The following LRRC9 variants were observed in gnomAD, a reference collection of about 807,000 sequenced individuals.
LRRC9 encodes leucine-rich repeat-containing protein 9.
A neutral mutation model predicts 63.2 loss-of-function variants in LRRC9; 122 were observed. The ratio of observed to expected loss-of-function variants is 1.93; its 90% CI spans 1.67 to 2.24. The LOEUF is 2.24. Among genes scored for constraint, LRRC9 ranks in the 30% most tolerant of loss-of-function variants. The pLI is 0.00. For synonymous variants in LRRC9, 366 were observed against 213.1 expected, an observed-to-expected ratio of 1.72 and a Z score of -6.25; for missense variants, 1,071 against 627.7, an observed-to-expected ratio of 1.71 and a Z score of -7.55.
At chr14:59,991,840 A>T (rs968499967) in intron 17 of LRRC9, among the ~76,000 whole-genome samples, 1 of 149,556 alleles carries the variant, frequency 6.7e-6, no homozygotes, top group African/African-American at 2.5e-5. Flanking sequence ...GGAGCCCACC[A>T]CAGCTCAAGG....
chr14:60,031,900 C>A lies in LRRC9; in HGVS notation c.3922-95C>A. 2 of 633,404 alleles carry A rather than the reference C, an allele frequency of 3.2e-6. No individual in the cohort carries two copies. The allele number at this position is 633,404 out of a possible 1,614,324, so 39.2% of individuals were successfully genotyped here. A position where few individuals can be genotyped will look rare whatever the true frequency, so the allele number is the denominator to read the frequency against. On this transcript the variant is annotated intron_variant, in intron 28 of 31. Coordinates refer to ENST00000445360, the Ensembl canonical transcript of LRRC9. This position sits in a 1 kb window ranked among gnomAD's most constrained non-coding sequence, Gnocchi z 4.6. ...AGAGAATTCAATCATGAGCTAGCTGCAAACTAACACTTACATATAATTACT... is the reference window on the plus strand; with the variant it reads ...AGAGAATTCAATCATGAGCTAGCTGAAAACTAACACTTACATATAATTACT...
At chr14:59,997,916 C>G (rs1028070067) in intron 18 of LRRC9, 69 bp downstream of exon 18, 3 of 601,584 alleles carry the variant, frequency 5.0e-6, no homozygotes, top group African/African-American at 3.7e-5. Context: ...ACTAACTTTA[C>G]TATTTAGTAA....
intron 13 of LRRC9, among the ~76,000 whole-genome samples, chr14:59,975,141 ATATATATATGTAT>A (rs1886096902): frequency 8.7e-5 from 1 of 11,444 alleles, no homozygotes; most frequent in Admixed American, 1.5e-3. Flanking sequence ...ATATATATAC[ATATATATATGTAT>A]ATATATATAT....
chr14:59,935,517 T>C (rs1288543906), intron 6 of LRRC9, among the ~76,000 whole-genome samples: 2 of 152,186 alleles, frequency 1.3e-5, no homozygotes, highest in Non-Finnish European at 2.9e-5. Context: ...TCAATTCCTC[T>C]TTTAGGAATC....
At chr14:60,023,570 A>G (rs1244561708) in intron 27 of LRRC9, among the ~76,000 whole-genome samples, 2 of 152,030 alleles carry the variant, frequency 1.3e-5, no homozygotes, top group African/African-American at 4.8e-5. Context: ...AACATGATTA[A>G]TTTGATAAAT....
At chr14:59,939,113 A>G (rs1056465051) in intron 7 of LRRC9, among the ~76,000 whole-genome samples, 2 of 123,674 alleles carry the variant, frequency 1.6e-5, no homozygotes, top group Non-Finnish European at 3.4e-5. Context: ...ACACATATAT[A>G]TACATATATA....
rs563263789 is a variant in LRRC9 at position 60,009,752 on chromosome 14, A to G, written c.3186+1538A>G. Among the ~76,000 whole-genome samples the G allele has an allele frequency of 5.7e-4, 87 of 152,328 alleles. 3 individuals carry two copies. In the Middle Eastern group the frequency reaches 0.02, roughly 36 times the overall value. ...CTGTAAAATCAAAAGCAAGTTAGTT[A>G]CTTCCTAGAGACAATGGGGGTACAG... On this transcript the variant is annotated intron_variant, in intron 23 of 31. Transcript: ENST00000445360.
intron 27 of LRRC9, 98 bp downstream of exon 27, chr14:60,022,968 TCAAA>T (rs1891230792): frequency 7.1e-6 from 3 of 419,620 alleles, no homozygotes; most frequent in African/African-American, 4.1e-5. Context: ...CAGTATTTAC[TCAAA>T]CATTCATAGA....
chr14:60,058,604 T>A lies in LRRC9; in HGVS notation c.4276+582T>A, dbSNP rs1213562133. On this transcript the variant is annotated intron_variant, in intron 31 of 31. Transcript: ENST00000445360. The surrounding 1 kb of genome is among the most constrained non-coding windows in gnomAD (Gnocchi z 4.4). Reference sequence around the variant, plus strand: ...TGCTATATAAATTTTAGTTCAAGTTTAGAATAAGCCTGTTCCCTAATTCCA... The same window carrying A: ...TGCTATATAAATTTTAGTTCAAGTTAAGAATAAGCCTGTTCCCTAATTCCA... Among the ~76,000 whole-genome samples, 2 of 152,182 alleles carry A rather than the reference T, an allele frequency of 1.3e-5. No individual in the cohort carries two copies. Among genetic ancestry groups the A allele is most frequent in the Non-Finnish European group, 2.9e-5 (2 of 68,010 alleles).
chr14:60,035,308 A>C (rs984019941), intron 29 of LRRC9, among the ~76,000 whole-genome samples: 8 of 152,018 alleles, frequency 5.3e-5, no homozygotes, highest in Admixed American at 3.9e-4. Flanking sequence ...TTGTAGCTTT[A>C]CTTTGTTGAT....
rs1250351798 is a variant in LRRC9, at chr14:60,053,247, T to G, written c.4131+42T>G. 5.9e-6 allele frequency: 4 copies of G among 676,604 alleles called. No homozygotes were observed. The highest frequency in any genetic ancestry group is 1.8e-5 in the African/African-American group (1 of 56,024). The allele number at this position is 676,604 out of a possible 1,614,324, so 41.9% of individuals were successfully genotyped here. ...TTACAATTTTCCTTTTGAAGCACAT[T>G]AATGGTTAGTAAATGAACATTATAT... On this transcript the variant is annotated intron_variant, in intron 30 of 31. Coordinates refer to ENST00000445360, the Ensembl canonical transcript of LRRC9. This position sits in a 1 kb window ranked among gnomAD's most constrained non-coding sequence, Gnocchi z 4.8.
intron 29 of LRRC9, among the ~76,000 whole-genome samples, chr14:60,039,078 G>C (rs769694193): frequency 6.6e-6 from 1 of 152,150 alleles, no homozygotes; most frequent in East Asian, 1.9e-4. Context: ...ATTGATTTAC[G>C]AATGTTGAAC....
rs1202170793 is a variant in LRRC9 at position 60,053,427 on chromosome 14, ATG to A, written c.4131+224_4131+225del. ...CACACACACACACACACACATATAT[ATG>A]TAAGTCAGGGAACATCCTTTTCTTA... On this transcript the variant is annotated intron_variant, in intron 30 of 31. Transcript: ENST00000445360. This position sits in a 1 kb window ranked among gnomAD's most constrained non-coding sequence, Gnocchi z 4.8. Among the ~76,000 whole-genome samples, 9 of 150,202 alleles carry A rather than the reference ATG, an allele frequency of 6.0e-5. No individual in the cohort carries two copies. The highest frequency in any genetic ancestry group is 2.0e-4 in the African/African-American group (8 of 40,922).
At chr14:59,954,217 A>G (rs1358637960) in intron 8 of LRRC9, among the ~76,000 whole-genome samples, 1 of 152,190 alleles carries the variant, frequency 6.6e-6, no homozygotes, top group Admixed American at 6.5e-5. Context: ...TGGTAGCTTG[A>G]TGGGAATAGC....
chr14:60,033,137 G>A (rs193076010), intron 29 of LRRC9, among the ~76,000 whole-genome samples: 1 of 151,978 alleles, frequency 6.6e-6, no homozygotes, highest in Non-Finnish European at 1.5e-5. Context: ...ATTGTTTGTT[G>A]CTGGAGTGTA....
chr14:60,056,001 C>T (rs1016404567), intron 30 of LRRC9, among the ~76,000 whole-genome samples: 8 of 152,272 alleles, frequency 5.3e-5, no homozygotes, highest in African/African-American at 1.2e-4. Flanking sequence ...AGAGGCCATC[C>T]GCATTCTTTG....
chr14:59,983,519 A>G (rs1225798036), intron 16 of LRRC9, among the ~76,000 whole-genome samples: 3 of 152,180 alleles, frequency 2.0e-5, no homozygotes, highest in Non-Finnish European at 2.9e-5. Flanking sequence ...GAAAGAGGTG[A>G]GCTTTGAGTG....
intron 29 of LRRC9, among the ~76,000 whole-genome samples, chr14:60,039,751 G>T (rs192493291): frequency 6.6e-6 from 1 of 151,976 alleles, no homozygotes; most frequent in Non-Finnish European, 1.5e-5. Context: ...GGTTTTTTGT[G>T]TCTCTATCTC....
intron 8 of LRRC9, among the ~76,000 whole-genome samples, chr14:59,949,486 G>T (rs1882860925): frequency 6.7e-6 from 1 of 150,096 alleles, no homozygotes; most frequent in Admixed American, 6.6e-5. Context: ...TTTTTTGAAG[G>T]GTTTTTTGTG....
Sources: allele counts gnomAD v4.1 joint callset (sites outside exome capture counted in the v4.1 genomes callset), GRCh38; gene constraint gnomAD v4.1.1; non-coding constraint Gnocchi (gnomAD v3.1); transcripts MANE v1.5; gene names NCBI Gene and HGNC (gene_info 2026-07-23, HGNC 2026-07-21).